The following TRIO variants were observed in gnomAD, a reference collection of about 807,000 sequenced individuals.
TRIO encodes the protein trio Rho guanine nucleotide exchange factor.
Under a neutral mutation model 351.9 loss-of-function variants are expected in TRIO, and 58 were observed. The ratio of observed to expected loss-of-function variants is 0.16; its 90% CI spans 0.13 to 0.21. The LOEUF is 0.21. Among genes scored for constraint, TRIO ranks in the 10% least tolerant of loss-of-function variants. The pLI, the probability that TRIO is intolerant of heterozygous loss-of-function variation, is 1.00. For synonymous variants in TRIO, 1,758 were observed against 1,595.7 expected (o/e 1.10, Z -2.42); for missense variants, 3,201 against 4,027.8 (o/e 0.79, Z 5.56).
chr5:14,497,533 T>C lies in TRIO; in HGVS notation c.8020-314T>C, dbSNP rs954664366. On this transcript the variant is annotated intron_variant, in intron 50 of 56. Coordinates refer to ENST00000344204, the MANE Select transcript of TRIO (RefSeq NM_007118.4). The surrounding 1 kb of genome is among the most constrained non-coding windows in gnomAD (Gnocchi z 4.4). ...AGAAGGTATCTCCTGAAAGGGACTC[T>C]GAGCGCCAGGGGCCAGGGCGTTGGC... Among the ~76,000 whole-genome samples, 14 of 152,188 alleles carry C rather than the reference T, an allele frequency of 9.2e-5. No homozygotes were observed. The highest frequency in any genetic ancestry group is 1.5e-5 in the Non-Finnish European group (1 of 68,038).
At chr5:14,323,629 G>A (rs1035500236) in intron 9 of TRIO, among the ~76,000 whole-genome samples, 2 of 152,202 alleles carry the variant, frequency 1.3e-5, no homozygotes, top group Non-Finnish European at 2.9e-5. Flanking sequence ...CCCTTGCTTC[G>A]CCGCATGGCG....
At chr5:14,251,631 C>T (rs1423869895) in intron 1 of TRIO, among the ~76,000 whole-genome samples, 2 of 152,220 alleles carry the variant, frequency 1.3e-5, no homozygotes, top group Non-Finnish European at 2.9e-5. Flanking sequence ...ATAGGCTCCT[C>T]ACTGACTGGG....
chr5:14,297,343 A>G, intron 7 of TRIO, 80 bp downstream of exon 7: 3 of 1,466,624 alleles, frequency 2.0e-6, no homozygotes, highest in Non-Finnish European at 2.8e-6. Flanking sequence ...GTGTGCAAAC[A>G]CTCTTGTGTA....
chr5:14,487,474 G>A lies in TRIO; in HGVS notation c.6846G>A (p.Ser2282=). ...NQRNFLNALT[S]PIEYQRNHSG... is the part of the protein sequence containing the mutation. ...TGTCTTGTCTTACAGCCTTGACATC[G>A]CCAATCGAGTACCAGAGGAACCACA... is the stretch of plus-strand genomic sequence containing the variant. Residue 2282 remains serine (S), a synonymous_variant, in exon 48 of 57, where the codon TCG becomes TCA. Coordinates refer to ENST00000344204, the MANE Select transcript of TRIO (RefSeq NM_007118.4). 3 of 1,094,120 alleles carry A rather than the reference G, an allele frequency of 2.7e-6. No individual in the cohort carries two copies. Among genetic ancestry groups the A allele is most frequent in the African/African-American group, 1.7e-5 (1 of 59,812 alleles). 67.8% of individuals were successfully genotyped at this position (1,094,120 alleles called of 1,614,324 possible).
intron 1 of TRIO, among the ~76,000 whole-genome samples, chr5:14,178,369 T>A (rs1189278020): frequency 6.6e-6 from 1 of 152,216 alleles, no homozygotes; most frequent in Admixed American, 6.5e-5. Flanking sequence ...ACGTAGGCTG[T>A]TAATCTTGTG....
At chr5:14,496,085 G>A (rs78111505) in intron 49 of TRIO, among the ~76,000 whole-genome samples, 1,780 of 152,270 alleles carry the variant, frequency 0.012, 44 homozygotes, top group African/African-American at 0.04. Flanking sequence ...TTCACTGATG[G>A]TGCGGATGAT....
rs1480174905 is a variant in TRIO at position 14,368,732 on chromosome 5, G to C, written c.2899G>C (p.Val967Leu). 1 of 1,613,956 alleles carries C rather than the reference G, an allele frequency of 6.2e-7. No individual in the cohort carries two copies. Among genetic ancestry groups the C allele is most frequent in the African/African-American group, 1.3e-5 (1 of 75,034 alleles). The change falls in exon 17 of 57, where the codon GTG (valine) becomes CTG (leucine). Residue 967 changes from valine to leucine, a missense_variant. Transcript: ENST00000344204. ...IEKTHQSALQ[V>L]QQKAEAMLQA... ...GAAAACACATCAGAGCGCGCTGCAGGTGCAGCAGAAGGCAGAAGCCATGCT... is the reference window on the plus strand; with the variant it reads ...GAAAACACATCAGAGCGCGCTGCAGCTGCAGCAGAAGGCAGAAGCCATGCT...
At chr5:14,294,203 T>C (rs375617317) in intron 6 of TRIO, among the ~76,000 whole-genome samples, 1 of 152,154 alleles carries the variant, frequency 6.6e-6, no homozygotes, top group East Asian at 1.9e-4. Flanking sequence ...AAAATACAAA[T>C]AAAGCAATAT....
chr5:14,192,364 A>G (rs164518), intron 1 of TRIO, among the ~76,000 whole-genome samples: 5 of 150,706 alleles, frequency 3.3e-5, no homozygotes, highest in African/African-American at 1.2e-4. Context: ...GGCTTAAGTG[A>G]TCCTCCCACC....
rs139322230 is a variant in TRIO at position 14,363,974 on chromosome 5, G to A, written c.2587+47G>A. On this transcript the variant is annotated intron_variant, in intron 14 of 56. Coordinates refer to ENST00000344204, the MANE Select transcript of TRIO (RefSeq NM_007118.4). ...GTGTCCGTTGTGATTTCTTCATGTCGTCATGGCAATTCGGCTTATTTCAGT... is the reference window on the plus strand; with the variant it reads ...GTGTCCGTTGTGATTTCTTCATGTCATCATGGCAATTCGGCTTATTTCAGT... 3.2e-3 allele frequency: 4,959 copies of A among 1,561,998 alleles called. 37 individuals carry two copies. The highest frequency in any genetic ancestry group is 0.025 in the African/African-American group (1,846 of 73,324).
intron 36 of TRIO, among the ~76,000 whole-genome samples, chr5:14,463,300 T>C (rs16903528): frequency 0.026 from 3,890 of 152,138 alleles, 173 homozygotes; most frequent in African/African-American, 0.09. Flanking sequence ...AAATGAAGAG[T>C]TGGCCATCTC....
chr5:14,377,713 A>G (rs1745686530), intron 19 of TRIO, among the ~76,000 whole-genome samples: 1 of 152,190 alleles, frequency 6.6e-6, no homozygotes, highest in African/African-American at 2.4e-5. Context: ...AAAATTGTGC[A>G]TTATGTCGAA....
At chr5:14,381,410 C>T (rs1490760272) in intron 21 of TRIO, among the ~76,000 whole-genome samples, 158 bp downstream of exon 21, 1 of 152,134 alleles carries the variant, frequency 6.6e-6, no homozygotes, top group Non-Finnish European at 1.5e-5. Context: ...CACGTGTGTC[C>T]CTCCGTGTCC....
chr5:14,218,491 A>C lies in TRIO; in HGVS notation c.158-52334A>C, dbSNP rs1792367558. Among the ~76,000 whole-genome samples the C allele has an allele frequency of 2.6e-5, 4 of 152,250 alleles. No individual in the cohort carries two copies. In the South Asian group the frequency reaches 8.3e-4, roughly 31 times the overall value. On this transcript the variant is annotated intron_variant, in intron 1 of 56. Transcript: ENST00000344204. Reference sequence around the variant, plus strand: ...TCTCTAAGAGTCAACTCTGCTGTGAAATTGATGTTGAAATACAAACAAAAC... The same window carrying C: ...TCTCTAAGAGTCAACTCTGCTGTGACATTGATGTTGAAATACAAACAAAAC...
At chr5:14,423,073 G>A (rs1750313152) in intron 34 of TRIO, among the ~76,000 whole-genome samples, 1 of 152,208 alleles carries the variant, frequency 6.6e-6, no homozygotes, top group Non-Finnish European at 1.5e-5. Flanking sequence ...TCTTGCTCTG[G>A]CTGTCCTTCC....
rs77073775 is a variant in TRIO at position 14,292,182 on chromosome 5, A to T, written c.1054-830A>T. On this transcript the variant is annotated intron_variant, in intron 5 of 56. Coordinates refer to ENST00000344204, the MANE Select transcript of TRIO (RefSeq NM_007118.4). ...TAAAAAACCACATTAGAATTCTTGGATGTAAAAGGACTTTTCAAAAGGTGA... is the reference window on the plus strand; with the variant it reads ...TAAAAAACCACATTAGAATTCTTGGTTGTAAAAGGACTTTTCAAAAGGTGA... Among the ~76,000 whole-genome samples, 814 of 152,360 alleles carry T rather than the reference A, an allele frequency of 5.3e-3. 7 individuals carry two copies. The highest frequency in any genetic ancestry group is 0.018 in the African/African-American group (764 of 41,574).
At chr5:14,406,545 G>A in intron 32 of TRIO, 28 bp from the exon 33 acceptor site, 1 of 1,609,318 alleles carries the variant, frequency 6.2e-7, no homozygotes, top group African/African-American at 1.3e-5. Context: ...AGCAGCATCA[G>A]GAACTAAAAG....
intron 1 of TRIO, among the ~76,000 whole-genome samples, chr5:14,144,291 G>A (rs554543811): frequency 1.3e-5 from 2 of 152,242 alleles, no homozygotes; most frequent in Non-Finnish European, 2.9e-5. Flanking sequence ...GAGGCCGAGC[G>A]GACTGAGCCG....
intron 2 of TRIO, among the ~76,000 whole-genome samples, chr5:14,275,858 CTA>C (rs1172834111): frequency 1.9e-5 from 2 of 102,582 alleles, no homozygotes; most frequent in Non-Finnish European, 4.1e-5. Flanking sequence ...AACTCTGTCT[CTA>C]TGTGTGTATA....
Sources: gnomAD v4.1 joint callset for allele counts (sites outside exome capture counted in the v4.1 genomes callset) on GRCh38, gnomAD v4.1.1 for gene constraint, Gnocchi (gnomAD v3.1) non-coding constraint, MANE v1.5 for transcripts, NCBI Gene and HGNC (gene_info 2026-07-23, HGNC 2026-07-21) for gene names.